The following JAZF1 variants were observed in gnomAD, a reference collection of about 807,000 sequenced individuals.
JAZF1 encodes the protein JAZF zinc finger 1, also known as juxtaposed with another zinc finger protein 1.
JAZF1 carries 8 observed loss-of-function variants against 26.4 expected under a neutral mutation model. The observed-to-expected ratio is 0.30, with a 90% CI of 0.18 to 0.55. The LOEUF is 0.55. Among genes scored for constraint, JAZF1 ranks in the 20% least tolerant of loss-of-function variants. JAZF1 has a pLI of 0.94. For synonymous variants in JAZF1, 126 were observed against 122.3 expected (o/e 1.03, Z -0.20); for missense variants, 199 against 322.0 (o/e 0.62, Z 2.92).
chr7:27,892,106 TAGTC>T (rs779556110), intron 3 of JAZF1, among the ~76,000 whole-genome samples: 8 of 152,312 alleles, frequency 5.3e-5, no homozygotes, highest in Admixed American at 6.5e-5. Flanking sequence ...GAAACCACAT[TAGTC>T]AGGCAAAATA....
At chr7:28,123,892 G>A (rs963238304) in intron 1 of JAZF1, among the ~76,000 whole-genome samples, 6 of 152,172 alleles carry the variant, frequency 3.9e-5, no homozygotes, top group African/African-American at 1.4e-4. Flanking sequence ...AACCTAACCA[G>A]AAGTCACAAC....
intron 3 of JAZF1, among the ~76,000 whole-genome samples, chr7:27,845,902 C>A (rs1028620802): frequency 3.3e-5 from 5 of 151,964 alleles, no homozygotes; most frequent in African/African-American, 7.3e-5. Context: ...CTCTCCTCTA[C>A]CCCACCCTTT....
chr7:27,924,976 T>C (rs999016803), intron 2 of JAZF1, among the ~76,000 whole-genome samples: 3 of 152,230 alleles, frequency 2.0e-5, no homozygotes, highest in Non-Finnish European at 2.9e-5. Flanking sequence ...ATGCCAGACA[T>C]ATATTTTTAA....
At chr7:27,912,689 T>C (rs1448146648) in intron 2 of JAZF1, among the ~76,000 whole-genome samples, 1 of 152,176 alleles carries the variant, frequency 6.6e-6, no homozygotes, top group African/African-American at 2.4e-5. Flanking sequence ...TTCCAACTTT[T>C]TCCCCCCTAT....
At chr7:27,919,793 G>A (rs896472349) in intron 2 of JAZF1, among the ~76,000 whole-genome samples, 2 of 152,242 alleles carry the variant, frequency 1.3e-5, no homozygotes, top group East Asian at 1.9e-4. Context: ...TAATTAATAC[G>A]TAATCATTTC....
chr7:28,180,583 T>A lies in JAZF1; in HGVS notation c.-6A>T. Reference sequence around the variant, plus strand: ...GCGGCGGCGATGCCTGTCATGGTGCTACATCGAGAGCCCCCCTGGTGTCGG... The same window carrying A: ...GCGGCGGCGATGCCTGTCATGGTGCAACATCGAGAGCCCCCCTGGTGTCGG... On this transcript the variant is annotated 5_prime_UTR_variant, in exon 1 of 5. It removes the in-frame stop codon of an upstream open reading frame in the 5' UTR. Transcript: ENST00000283928. The A allele has an allele frequency of 1.3e-6, 2 of 1,585,184 alleles. No individual in the cohort carries two copies. Among genetic ancestry groups the A allele is most frequent in the Non-Finnish European group, 1.7e-6 (2 of 1,164,386 alleles).
At chr7:28,046,422 A>G (rs1783497300) in intron 1 of JAZF1, among the ~76,000 whole-genome samples, 1 of 152,142 alleles carries the variant, frequency 6.6e-6, no homozygotes, top group Admixed American at 6.5e-5. Flanking sequence ...TATAATGAAT[A>G]CTCCAAATTT....
intron 1 of JAZF1, among the ~76,000 whole-genome samples, chr7:28,063,918 CCA>C (rs940558515): frequency 6.6e-6 from 1 of 152,082 alleles, no homozygotes; most frequent in Admixed American, 6.5e-5. Flanking sequence ...TCAAGAAATG[CCA>C]CAGTGTGAAA....
intron 3 of JAZF1, among the ~76,000 whole-genome samples, chr7:27,853,693 G>C (rs529035154): frequency 1.3e-5 from 2 of 152,324 alleles, no homozygotes; most frequent in Non-Finnish European, 2.9e-5. Flanking sequence ...TTTTGAGTGA[G>C]TTTCTTAACC....
chr7:28,019,406 G>C (rs1057416392), intron 1 of JAZF1, among the ~76,000 whole-genome samples: 1 of 152,052 alleles, frequency 6.6e-6, no homozygotes, highest in Non-Finnish European at 1.5e-5. Context: ...TTCCACCTTA[G>C]AATCTCAGAA....
At chr7:28,103,116 G>A (rs921072550) in intron 1 of JAZF1, among the ~76,000 whole-genome samples, 5 of 152,070 alleles carry the variant, frequency 3.3e-5, no homozygotes, top group Admixed American at 1.3e-4. Flanking sequence ...TTGGCTTCCA[G>A]GTCACTCCCT....
rs573128888 is a variant in JAZF1 at position 27,910,459 on chromosome 7, T to C, written c.189-15043A>G. Among the ~76,000 whole-genome samples, 5 of 152,322 alleles carry C rather than the reference T, an allele frequency of 3.3e-5. No individual in the cohort carries two copies. The South Asian group carries it at 1.0e-3, about 32-fold the overall frequency. The stretch of plus-strand genomic sequence containing the variant: ...GGGGCCTCTGGACCTTCTGCTGATT[T>C]ACAAGGAGCAGCCTTCATTTGCATG... On this transcript the variant is annotated intron_variant, in intron 2 of 4. Coordinates refer to ENST00000283928, the MANE Select transcript of JAZF1 (RefSeq NM_175061.4).
At chr7:27,876,093 G>A (rs1395975468) in intron 3 of JAZF1, among the ~76,000 whole-genome samples, 1 of 152,208 alleles carries the variant, frequency 6.6e-6, no homozygotes, top group African/African-American at 2.4e-5. Context: ...TAGAAAATGG[G>A]TGTGTGAATG....
At chr7:27,889,858 G>C (rs567630366) in intron 3 of JAZF1, among the ~76,000 whole-genome samples, 2 of 151,752 alleles carry the variant, frequency 1.3e-5, no homozygotes, top group East Asian at 3.9e-4. Context: ...TCTTGAACCT[G>C]AAAGGTGGAG....
At chr7:27,849,803 A>AC (rs1164405627) in intron 3 of JAZF1, among the ~76,000 whole-genome samples, 1 of 120,216 alleles carries the variant, frequency 8.3e-6, no homozygotes, top group East Asian at 2.0e-4. Flanking sequence ...CCGCCCACCT[A>AC]CACGGAGCCC....
intron 2 of JAZF1, among the ~76,000 whole-genome samples, chr7:27,930,708 G>A (rs180967261): frequency 6.6e-6 from 1 of 152,154 alleles, no homozygotes; most frequent in Non-Finnish European, 1.5e-5. Flanking sequence ...GTAGGTTTTT[G>A]CTCTACCACT....
At chr7:27,997,985 G>A (rs546710625) in intron 1 of JAZF1, among the ~76,000 whole-genome samples, 2 of 149,382 alleles carry the variant, frequency 1.3e-5, no homozygotes, top group East Asian at 4.0e-4. Context: ...GGGGAGGGCA[G>A]GACAGAAAAA....
intron 2 of JAZF1, among the ~76,000 whole-genome samples, chr7:27,918,842 A>G (rs1784484083): frequency 6.6e-6 from 1 of 152,234 alleles, no homozygotes; most frequent in Non-Finnish European, 1.5e-5. Context: ...AAAATCAGCT[A>G]GTGAGATTTA....
At chr7:27,878,388 A>C (rs1783716888) in intron 3 of JAZF1, among the ~76,000 whole-genome samples, 2 of 151,528 alleles carry the variant, frequency 1.3e-5, no homozygotes, top group South Asian at 4.2e-4. Context: ...ACACACACAC[A>C]CCCCATTTCC....
Sources: allele counts gnomAD v4.1 joint callset (sites outside exome capture counted in the v4.1 genomes callset), GRCh38; gene constraint gnomAD v4.1.1; transcripts MANE v1.5; gene names NCBI Gene and HGNC (gene_info 2026-07-23, HGNC 2026-07-21).